The following LINC00305 variants were observed in gnomAD, a reference collection of about 807,000 sequenced individuals.
LINC00305 encodes long intergenic non-protein coding RNA 305.
intron 3 of LINC00305, among the ~76,000 whole-genome samples, chr18:64,088,283 C>T (rs1026354990): frequency 6.6e-6 from 1 of 152,194 alleles, no homozygotes; most frequent in Admixed American, 6.5e-5. Context: ...TTTCATATGA[C>T]CTTGCTGGCC....
intron 3 of LINC00305, among the ~76,000 whole-genome samples, chr18:64,087,792 A>G (rs958669805): frequency 1.3e-5 from 2 of 152,200 alleles, no homozygotes; most frequent in South Asian, 2.1e-4. Context: ...ATTACTCAAT[A>G]GAAATTCAGA....
chr18:64,108,454 G>A (rs1022950174), intron 1 of LINC00305, among the ~76,000 whole-genome samples: 1 of 152,140 alleles, frequency 6.6e-6, no homozygotes, highest in Non-Finnish European at 1.5e-5. Flanking sequence ...CAGAGAAGTA[G>A]GTAACTATGC....
chr18:64,117,404 T>A (rs2051342597), intron 1 of LINC00305, among the ~76,000 whole-genome samples: 1 of 152,224 alleles, frequency 6.6e-6, no homozygotes, highest in East Asian at 1.9e-4. Flanking sequence ...CCCATCATAC[T>A]CCAGATTTCA....
intron 1 of LINC00305, chr18:64,098,786 A>T: frequency 7.7e-6 from 2 of 259,032 alleles, no homozygotes; most frequent in Middle Eastern, 4.4e-4. Context: ...ACAGCCTTAG[A>T]CGTGTCCTCT....
chr18:64,124,349 A>C (rs1358159218), intron 1 of LINC00305, among the ~76,000 whole-genome samples: 3 of 152,256 alleles, frequency 2.0e-5, no homozygotes, highest in Non-Finnish European at 4.4e-5. Flanking sequence ...GTTCACAGAC[A>C]TCTTCCTGAC....
At chr18:64,142,107 A>C (rs560794714) in intron 1 of LINC00305, among the ~76,000 whole-genome samples, 1 of 152,294 alleles carries the variant, frequency 6.6e-6, no homozygotes, top group African/African-American at 2.4e-5. Flanking sequence ...GTCTATGTGC[A>C]CTGGTGAGTG....
intron 3 of LINC00305, among the ~76,000 whole-genome samples, chr18:64,090,055 T>C (rs1162873411): frequency 6.6e-6 from 1 of 152,000 alleles, no homozygotes; most frequent in African/African-American, 2.4e-5. Context: ...CTCAAAGACA[T>C]GGATGGAAAC....
chr18:64,092,680 TG>T (rs1363445228), intron 3 of LINC00305, among the ~76,000 whole-genome samples: 1 of 152,234 alleles, frequency 6.6e-6, no homozygotes, highest in East Asian at 1.9e-4. Flanking sequence ...TGAATGATAC[TG>T]GGGTGATCTT....
At chr18:64,120,255 C>T (rs1481644277) in intron 1 of LINC00305, among the ~76,000 whole-genome samples, 1 of 152,040 alleles carries the variant, frequency 6.6e-6, no homozygotes, top group African/African-American at 2.4e-5. Flanking sequence ...GCTCTTCTTC[C>T]ATCCTCTCTC....
At chr18:64,080,484 C>A in intron 3 of LINC00305, 1 of 242,078 alleles carries the variant, frequency 4.1e-6, no homozygotes, top group Non-Finnish European at 8.7e-6. Flanking sequence ...TCATACATAC[C>A]TAAATTTAGA....
At chr18:64,107,816 G>T (rs1331850180) in intron 1 of LINC00305, among the ~76,000 whole-genome samples, 1 of 152,322 alleles carries the variant, frequency 6.6e-6, no homozygotes, top group African/African-American at 2.4e-5. Context: ...AGGTCGGTGA[G>T]GCCCTACCAC....
intron 3 of LINC00305, among the ~76,000 whole-genome samples, chr18:64,094,157 G>C (rs947109856): frequency 2.6e-5 from 4 of 152,088 alleles, no homozygotes; most frequent in African/African-American, 9.7e-5. Flanking sequence ...TGGCCAAAAT[G>C]ATAGCAAACT....
At chr18:64,138,963 G>A (rs936442697) in intron 1 of LINC00305, among the ~76,000 whole-genome samples, 4 of 152,088 alleles carry the variant, frequency 2.6e-5, no homozygotes, top group South Asian at 2.1e-4. Flanking sequence ...GCATGCAGAC[G>A]GTATCAGTAA....
chr18:64,113,087 T>C (rs568174629), intron 1 of LINC00305, among the ~76,000 whole-genome samples: 44 of 152,338 alleles, frequency 2.9e-4, no homozygotes, highest in Middle Eastern at 3.4e-3. Context: ...GAAAGCCATG[T>C]TATTCTGACA....
At chr18:64,103,173 G>A (rs1489769788) in intron 1 of LINC00305, among the ~76,000 whole-genome samples, 1 of 152,096 alleles carries the variant, frequency 6.6e-6, no homozygotes, top group Non-Finnish European at 1.5e-5. Flanking sequence ...ACTTAAAATT[G>A]TAGTATATAC....
rs2051315631 is a variant in LINC00305 at position 64,111,793 on chromosome 18, G to A, written n.315-13153C>T. On this transcript the variant is annotated intron_variant and non_coding_transcript_variant, in intron 1 of 3. Coordinates refer to ENST00000666468, the Ensembl canonical transcript of LINC00305. The stretch of plus-strand genomic sequence containing the variant: ...CAGGAAAGTGTTAGGGAAGCAATGT[G>A]TTTCCACGCCAGGTTTCCTAAGGAT... 2.0e-5 allele frequency among the ~76,000 whole-genome samples: 3 copies of A among 152,136 alleles called. No homozygotes were observed. In the South Asian group the frequency reaches 6.2e-4, roughly 32 times the overall value.
At chr18:64,132,607 A>G (rs1230746210) in intron 1 of LINC00305, among the ~76,000 whole-genome samples, 2 of 152,206 alleles carry the variant, frequency 1.3e-5, no homozygotes, top group African/African-American at 4.8e-5. Context: ...ACTTTAGACC[A>G]CATTCCCACT....
intron 1 of LINC00305, among the ~76,000 whole-genome samples, chr18:64,137,706 T>C (rs576610092): frequency 6.6e-6 from 1 of 152,308 alleles, no homozygotes; most frequent in South Asian, 2.1e-4. Flanking sequence ...TCCTATTTTA[T>C]ATCTATGAGT....
intron 1 of LINC00305, among the ~76,000 whole-genome samples, chr18:64,108,363 G>A (rs1352573479): frequency 6.6e-6 from 1 of 152,184 alleles, no homozygotes; most frequent in Non-Finnish European, 1.5e-5. Flanking sequence ...GAGTATTATG[G>A]GTTAGCATGA....
Sources: gnomAD v4.1 joint callset for allele counts (sites outside exome capture counted in the v4.1 genomes callset) on GRCh38, gnomAD v4.1.1 for gene constraint, MANE v1.5 for transcripts, NCBI Gene and HGNC (gene_info 2026-07-23, HGNC 2026-07-21) for gene names.